Variants in SCARA3 observed in about 807,000 individuals in gnomAD.
SCARA3 encodes the protein scavenger receptor class A member 3, also known as cellular stress response gene protein.
SCARA3 carries 39 observed loss-of-function variants against 47.0 expected under a neutral mutation model. The observed-to-expected ratio is 0.83, with a 90% confidence interval of 0.64 to 1.08. The LOEUF is 1.08. Ranked by LOEUF, SCARA3 falls within the 50% of genes least tolerant of loss-of-function variation. The pLI is 0.00. For synonymous variants in SCARA3, 356 were observed against 334.1 expected (o/e 1.07, Z -0.71); for missense variants, 724 against 792.3 (o/e 0.91, Z 1.04).
At chr8:27,725,077 A>G in the SCARA3 span, among the ~76,000 whole-genome samples, 6 of 152,186 alleles carry the variant, frequency 3.9e-5, no homozygotes, top group Admixed American at 3.9e-4. Flanking sequence ...TTGAGCCTAG[A>G]AGCTTGAGAC....
chr8:27,665,081 G>A (rs1236780428), intron 5 of SCARA3, among the ~76,000 whole-genome samples: 1 of 152,194 alleles, frequency 6.6e-6, no homozygotes, highest in African/African-American at 2.4e-5. Context: ...GGCCGGAACT[G>A]AGCGGCTATC....
downstream of SCARA3, among the ~76,000 whole-genome samples, chr8:27,677,017 A>G (rs1321040868): frequency 6.6e-6 from 1 of 152,104 alleles, no homozygotes; most frequent in African/African-American, 2.4e-5. Context: ...CTTGTTCCCC[A>G]TCATCCAATA....
the SCARA3 span, among the ~76,000 whole-genome samples, chr8:27,684,139 T>C: frequency 6.6e-6 from 1 of 152,216 alleles, no homozygotes; most frequent in African/African-American, 2.4e-5. Flanking sequence ...GACAGGTATC[T>C]ACATTTGGTA....
chr8:27,696,585 G>A, the SCARA3 span, among the ~76,000 whole-genome samples: 5 of 150,652 alleles, frequency 3.3e-5, no homozygotes, highest in Non-Finnish European at 5.9e-5. Flanking sequence ...AAGTAGCTAG[G>A]ACTACAGGTG....
rs574907564 is a variant in SCARA3, at chr8:27,671,258, G to A, written c.1728G>A (p.Arg576=). 7 of 1,482,714 alleles carry A rather than the reference G, an allele frequency of 4.7e-6. No homozygotes were observed. The Admixed American group carries it at 8.2e-5, about 17-fold the overall frequency. 91.8% of individuals were successfully genotyped at this position (1,482,714 alleles called of 1,614,324 possible). A position where few individuals can be genotyped will look rare whatever the true frequency, so the allele number is the denominator to read the frequency against. The change falls in exon 6 of 6, where the codon CGG becomes CGA. Residue 576 remains arginine (R), a synonymous_variant. Transcript: ENST00000301904. ...IAGKTGSPGQ[R]GAMGPKGEPG... ...GGAAGACAGGGTCACCAGGCCAGCG[G>A]GGGGCCATGGGGCCTAAGGGTGAAC... is the stretch of plus-strand genomic sequence containing the variant.
At position 27,659,091 on chromosome 8, in the gene SCARA3, G is replaced by A; in HGVS notation, c.921G>A (p.Leu307=). The A allele has an allele frequency of 3.1e-6, 5 of 1,614,130 alleles. No individual in the cohort carries two copies. Among genetic ancestry groups the A allele is most frequent in the Non-Finnish European group, 4.2e-6 (5 of 1,180,032 alleles). The stretch of plus-strand genomic sequence containing the variant: ...ACCTGGTACTCCAGGTCATGGGCTT[G>A]CAGCTGCAGCTGGATAACATCTCGT... ...MHDLVLQVMG[L]QLQLDNISSF... The change falls in exon 5 of 6, where the codon TTG becomes TTA. Residue 307 remains leucine, a synonymous_variant. Coordinates refer to ENST00000301904, the MANE Select transcript of SCARA3 (RefSeq NM_016240.3).
rs1212725788 is a variant in SCARA3 at position 27,649,775 on chromosome 8, G to A, written c.81G>A (p.Met27Ile). 2 of 1,614,012 alleles carry A rather than the reference G, an allele frequency of 1.2e-6. No homozygotes were observed. Among genetic ancestry groups the A allele is most frequent in the Non-Finnish European group, 1.7e-6 (2 of 1,180,024 alleles). The change falls in exon 2 of 6, where the codon ATG (methionine) becomes ATA (isoleucine). Residue 27 changes from methionine to isoleucine, a missense_variant. Physicochemically the swap from Met to Ile is conservative, Grantham distance 10 (BLOSUM62 1). Transcript: ENST00000301904. ...ACCTGGCGGGTGACGACGAGGACAT[G>A]CCGACCTTCCCATGCACCCAGAAGG... ...EEDLAGDDEDMPTFPCTQKGR... is the reference protein window; with the variant it reads ...EEDLAGDDEDIPTFPCTQKGR...
At chr8:27,673,110 C>T (rs1036711), downstream of SCARA3, 36,991 of 561,038 alleles carry the variant, frequency 0.066, 1,343 homozygotes, top group East Asian at 0.21. Flanking sequence ...GAACCAGTGA[C>T]GAGGGTCCCC....
At chr8:27,637,854 C>T (rs1274696253) in intron 1 of SCARA3, among the ~76,000 whole-genome samples, 2 of 151,976 alleles carry the variant, frequency 1.3e-5, no homozygotes, top group East Asian at 3.9e-4. Context: ...AGGAGAGGAT[C>T]TCCACTCATG....
At chr8:27,673,248 A>G (rs1018809641), downstream of SCARA3, among the ~76,000 whole-genome samples, 7 of 152,370 alleles carry the variant, frequency 4.6e-5, no homozygotes, top group South Asian at 2.1e-4. Flanking sequence ...GCTAAGCCCA[A>G]TGCATCTTGC....
intron 1 of SCARA3, among the ~76,000 whole-genome samples, chr8:27,646,972 G>GCC (rs757314343): frequency 1.7e-3 from 39 of 23,498 alleles, no homozygotes; most frequent in African/African-American, 2.3e-3. Flanking sequence ...GACCGCCCCC[G>GCC]CCCCCCCCCC....
the SCARA3 span, among the ~76,000 whole-genome samples, chr8:27,681,997 G>GA: frequency 1.3e-4 from 19 of 149,724 alleles, no homozygotes; most frequent in South Asian, 8.5e-4. Flanking sequence ...AGAATATCTT[G>GA]AAAAAAAAAG....
chr8:27,717,596 C>T, the SCARA3 span, among the ~76,000 whole-genome samples: 17 of 152,236 alleles, frequency 1.1e-4, no homozygotes, highest in African/African-American at 3.6e-4. Context: ...ACCAAACTGG[C>T]CAACATGGCT....
rs1802153190 is a variant in SCARA3, at chr8:27,671,408, C to T, written c.*57C>T. 5.2e-6 allele frequency: 7 copies of T among 1,351,850 alleles called. No homozygotes were observed. Among genetic ancestry groups the T allele is most frequent in the Non-Finnish European group, 6.6e-6 (7 of 1,057,632 alleles). The allele number at this position is 1,351,850 out of a possible 1,614,324, so 83.7% of individuals were successfully genotyped here. ...AATGCCGGAGGGGCGCAGAGCAGAT[C>T]CAGGCCCCAGAAAGCCTCACCTACA... On this transcript the variant is annotated 3_prime_UTR_variant, in exon 6 of 6. Transcript: ENST00000301904.
chr8:27,660,861 GA>G (rs1801899227), intron 5 of SCARA3, among the ~76,000 whole-genome samples: 1 of 151,964 alleles, frequency 6.6e-6, no homozygotes, highest in Non-Finnish European at 1.5e-5. Context: ...TAGATAGATA[GA>G]TAGATAGATA....
the SCARA3 span, among the ~76,000 whole-genome samples, chr8:27,712,022 A>G: frequency 6.6e-6 from 1 of 152,266 alleles, no homozygotes; most frequent in Non-Finnish European, 1.5e-5. Context: ...GTAGGAGAAT[A>G]AAACAAGAAG....
chr8:27,728,669 G>A, the SCARA3 span, among the ~76,000 whole-genome samples: 1 of 152,226 alleles, frequency 6.6e-6, no homozygotes, highest in East Asian at 1.9e-4. Context: ...ATGTGAGATT[G>A]AAGTTCTGAT....
At chr8:27,678,633 A>G (rs1802313418), downstream of SCARA3, among the ~76,000 whole-genome samples, 1 of 152,222 alleles carries the variant, frequency 6.6e-6, no homozygotes, top group South Asian at 2.1e-4. Flanking sequence ...AATTCTACAC[A>G]AAGTCTTCCA....
chr8:27,722,861 G>C, the SCARA3 span, among the ~76,000 whole-genome samples: 30 of 152,062 alleles, frequency 2.0e-4, no homozygotes, highest in Admixed American at 2.0e-3. Context: ...TCTCCAACAG[G>C]GTATCCCTTT....
Sources: allele counts gnomAD v4.1 joint callset (sites outside exome capture counted in the v4.1 genomes callset), GRCh38; gene constraint gnomAD v4.1.1; transcripts MANE v1.5; gene names NCBI Gene and HGNC (gene_info 2026-07-23, HGNC 2026-07-21).